The following PADI2 variants were observed in gnomAD, a reference collection of about 807,000 sequenced individuals.
PADI2 encodes peptidyl arginine deiminase 2.
A neutral mutation model predicts 81.1 loss-of-function variants in PADI2; 70 were observed. That is an observed-to-expected ratio of 0.86 (90% CI 0.71 to 1.05). The LOEUF is 1.05. Among genes scored for constraint, PADI2 ranks in the 50% least tolerant of loss-of-function variants. PADI2 has a pLI of 0.00. For synonymous variants in PADI2, 338 were observed against 358.0 expected, an observed-to-expected ratio of 0.94 and a Z score of 0.63; for missense variants, 853 against 889.9, an observed-to-expected ratio of 0.96 and a Z score of 0.53.
At chr1:17,117,505 C>A (rs1931797300) in intron 1 of PADI2, among the ~76,000 whole-genome samples, 1 of 151,996 alleles carries the variant, frequency 6.6e-6, no homozygotes, top group Admixed American at 6.6e-5. Flanking sequence ...TGGTGGAGAA[C>A]CTTAAGTGCC....
rs34847454 is a variant in PADI2 at position 17,093,651 on chromosome 1, C to T, written c.445G>A (p.Ala149Thr). The T allele has an allele frequency of 1.6e-3, 2,660 of 1,613,382 alleles. 2 individuals are homozygous for T. Among genetic ancestry groups the T allele is most frequent in the Admixed American group, 2.1e-3 (126 of 59,992 alleles). ...SWTWGPEGQGAILLVNCDRET... is the reference protein window; with the variant it reads ...SWTWGPEGQGTILLVNCDRET... ...CGGTCACAGTTCACCAGCAGGATGG[C>T]CCCCTGGCCCTCGGGGCCCCAGGTC... Residue 149 changes from alanine (A) to threonine (T), a missense_variant, in exon 5 of 16, where the codon GCC becomes ACC. Coordinates refer to ENST00000375486, the MANE Select transcript of PADI2 (RefSeq NM_007365.3).
In PADI2 at chr1:17,119,214, T is replaced by G. The variant is rs1569610962; in HGVS notation, c.92+66A>C. Reference sequence around the variant, plus strand: ...GACAAAGGCTGTCCACGTCCCCGAGTCTGAGCGCGTCTCAGGATTTCTGGG... The same window carrying G: ...GACAAAGGCTGTCCACGTCCCCGAGGCTGAGCGCGTCTCAGGATTTCTGGG... On this transcript the variant is annotated intron_variant, in intron 1 of 15. Transcript: ENST00000375486. This position sits in a 1 kb window ranked among gnomAD's most constrained non-coding sequence, Gnocchi z 4.8. The G allele has an allele frequency of 1.7e-6, 2 of 1,155,030 alleles. No individual in the cohort carries two copies. Among genetic ancestry groups the G allele is most frequent in the East Asian group, 3.1e-5 (1 of 32,082 alleles). 71.5% of individuals were successfully genotyped at this position (1,155,030 alleles called of 1,614,324 possible). A position where few individuals can be genotyped will look rare whatever the true frequency, so the allele number is the denominator to read the frequency against.
intron 9 of PADI2, chr1:17,082,887 T>C (rs2647187): frequency 0.52 from 192,803 of 369,364 alleles, 48,665 homozygotes; most frequent in African/African-American, 0.57. Context: ...TTTTTTTTTT[T>C]TGAGACAGGG....
In PADI2 at chr1:17,103,014, G is replaced by C. The variant is rs1931205871; in HGVS notation, c.322C>G (p.Gln108Glu). 6.2e-7 allele frequency: 1 copy of C among 1,613,504 alleles called. No homozygotes were observed. The highest frequency in any genetic ancestry group is 8.5e-7 in the Non-Finnish European group (1 of 1,179,630). The change falls in exon 3 of 16, where the codon CAG (glutamine) becomes GAG (glutamate). Residue 108 changes from glutamine to glutamate, a missense_variant. Transcript: ENST00000375486. ...YDEEGSIPID[Q>E]AGLFLTAIEI... ...ATGGCTGTGAGGAAGAGCCCCGCCTGGTCGATGGGAATGCTCCCTTCCTCG... is the reference window on the plus strand; with the variant it reads ...ATGGCTGTGAGGAAGAGCCCCGCCTCGTCGATGGGAATGCTCCCTTCCTCG...
intron 1 of PADI2, among the ~76,000 whole-genome samples, chr1:17,116,792 G>A (rs1373657792): frequency 1.3e-5 from 2 of 152,324 alleles, no homozygotes; most frequent in East Asian, 1.9e-4. Context: ...GAAGAAAGGA[G>A]GTGGTGGGTT....
Position 17,117,624 on chromosome 1 carries a change from C to G in PADI2, c.92+1656G>C, listed in dbSNP as rs571829592. On this transcript the variant is annotated intron_variant, in intron 1 of 15. Transcript: ENST00000375486. ...TCCATATCTGCCCCACTCTGTGCCC[C>G]TACCCCAGCTGGGCCTCTCTTTGCC... is the stretch of plus-strand genomic sequence containing the variant. Among the ~76,000 whole-genome samples the G allele has an allele frequency of 3.9e-5, 6 of 152,296 alleles. 1 individual carries two copies. The highest frequency in any genetic ancestry group is 3.4e-3 in the Middle Eastern group (1 of 294).
At chr1:17,069,802 G>T (rs2078252283) in intron 15 of PADI2, among the ~76,000 whole-genome samples, 1 of 152,194 alleles carries the variant, frequency 6.6e-6, no homozygotes, top group African/African-American at 2.4e-5. Flanking sequence ...CTATGTAACA[G>T]AAATCCCTCC....
chr1:17,079,178 A>T, intron 11 of PADI2, 86 bp downstream of exon 11: 2 of 1,189,504 alleles, frequency 1.7e-6, no homozygotes, highest in Non-Finnish European at 2.4e-6. Flanking sequence ...CACTTGCTCC[A>T]TGTGTGAGCA....
chr1:17,071,288 T>A, intron 14 of PADI2, 118 bp downstream of exon 14: 1 of 693,996 alleles, frequency 1.4e-6, no homozygotes, highest in Admixed American at 2.3e-5. Context: ...GCTGCTGTGC[T>A]CGGGGTCAGG....
chr1:17,095,411 GA>G (rs1362963135), intron 4 of PADI2, among the ~76,000 whole-genome samples: 1 of 152,112 alleles, frequency 6.6e-6, no homozygotes, highest in African/African-American at 2.4e-5. Context: ...CAAGATAAAA[GA>G]AAATAAGTAA....
intron 10 of PADI2, among the ~76,000 whole-genome samples, chr1:17,081,129 T>C (rs1005532192): frequency 2.0e-5 from 3 of 152,212 alleles, no homozygotes; most frequent in Non-Finnish European, 4.4e-5. Flanking sequence ...AAGGCCTCGC[T>C]TCTCATGCCT....
At chr1:17,083,505 A>G (rs2078362202) in intron 9 of PADI2, 1 of 547,532 alleles carries the variant, frequency 1.8e-6, no homozygotes, top group Admixed American at 3.2e-5. Context: ...TCAGTCCTCC[A>G]CAGATGGACA....
chr1:17,088,218 T>G (rs897622810), intron 6 of PADI2, among the ~76,000 whole-genome samples: 1 of 151,882 alleles, frequency 6.6e-6, no homozygotes, highest in Non-Finnish European at 1.5e-5. Flanking sequence ...TTGGCAGAAA[T>G]GGGTGTGTTG....
intron 6 of PADI2, 91 bp downstream of exon 6, chr1:17,092,317 A>C: frequency 9.2e-7 from 1 of 1,084,904 alleles, no homozygotes; most frequent in South Asian, 1.6e-5. Context: ...GGTCTTCCCC[A>C]GGCACCTGCA....
chr1:17,112,191 G>T (rs1931600720), intron 1 of PADI2, among the ~76,000 whole-genome samples: 2 of 152,266 alleles, frequency 1.3e-5, no homozygotes, highest in South Asian at 4.1e-4. Context: ...GATAGTGGCT[G>T]TGGAAATGGA....
In PADI2 at chr1:17,092,419, A is replaced by G; in HGVS notation, c.644T>C (p.Phe215Ser). 1.9e-6 allele frequency: 3 copies of G among 1,606,798 alleles called. No homozygotes were observed. Among genetic ancestry groups the G allele is most frequent in the Non-Finnish European group, 2.5e-6 (3 of 1,177,124 alleles). ...CTGGGATCACTCACTCTCCACGTAG[A>G]ACACGCCCACTTTGTCTGAGTCTGA... ...SMSDSDKVGV[F>S]YVENPFFGQR... Residue 215 changes from phenylalanine (F) to serine (S), a missense_variant, in exon 6 of 16, where the codon TTC becomes TCC. Coordinates refer to ENST00000375486, the MANE Select transcript of PADI2 (RefSeq NM_007365.3).
At chr1:17,111,435 T>C (rs921488080) in intron 1 of PADI2, among the ~76,000 whole-genome samples, 3 of 151,914 alleles carry the variant, frequency 2.0e-5, no homozygotes, top group Non-Finnish European at 4.4e-5. Flanking sequence ...ATTACAGCTG[T>C]GATAATTACT....
At chr1:17,088,925 A>AAAAAAC (rs1553182381) in intron 6 of PADI2, among the ~76,000 whole-genome samples, 3,096 of 83,012 alleles carry the variant, frequency 0.037, 74 homozygotes, top group African/African-American at 0.058. Context: ...AAAAAAAAAA[A>AAAAAAC]AAAAAACCAA....
chr1:17,103,850 G>A (rs565565058), intron 2 of PADI2, among the ~76,000 whole-genome samples: 66 of 150,390 alleles, frequency 4.4e-4, no homozygotes, highest in African/African-American at 1.6e-3. Flanking sequence ...TGGGCACGAT[G>A]GCAGGTGCCT....
Sources: gnomAD v4.1 joint callset for allele counts (sites outside exome capture counted in the v4.1 genomes callset) on GRCh38, gnomAD v4.1.1 for gene constraint, Gnocchi (gnomAD v3.1) non-coding constraint, MANE v1.5 for transcripts, NCBI Gene and HGNC (gene_info 2026-07-23, HGNC 2026-07-21) for gene names.